SPATA7: variants seen among roughly 807,000 people sequenced by gnomAD.
SPATA7 encodes the protein spermatogenesis associated 7, also known as spermatogenesis-associated protein 7.
SPATA7 carries 43 observed loss-of-function variants against 51.8 expected under a neutral mutation model. The ratio of observed to expected loss-of-function variants is 0.83; its 90% CI spans 0.65 to 1.07. SPATA7 has a LOEUF of 1.07. Ranked by LOEUF, SPATA7 falls within the 50% of genes least tolerant of loss-of-function variation. The probability of loss-of-function intolerance (pLI) is 0.00; values close to 1 mark genes in which losing one functional copy is unlikely to be tolerated. For synonymous variants in SPATA7, 230 were observed against 252.8 expected (o/e 0.91, Z 0.86); for missense variants, 683 against 701.3 (o/e 0.97, Z 0.30).
At chr14:88,438,494 T>A, downstream of SPATA7, 2 of 1,203,372 alleles carry the variant, frequency 1.7e-6, no homozygotes, top group Non-Finnish European at 2.4e-6. Flanking sequence ...AATGTATGTA[T>A]AAGATTTCTC....
chr14:88,455,115 G>A, exon 4 of SPATA7: 3 of 455,912 alleles, frequency 6.6e-6, no homozygotes, highest in South Asian at 3.1e-5. Context: ...GATGAATAAA[G>A]TGGACACAAC....
In SPATA7 at chr14:88,437,931, AATG is replaced by A; in HGVS notation, c.1310_1312del (p.Asn437_Val438delinsIle). On this transcript the variant is annotated inframe_deletion, in exon 12 of 12. Transcript: ENST00000393545. ...AAAGCAAAATGATGTTGATATGTTG[AATG>A]TATTTGATTTTGAAAAGGCTGGGAA... 1 of 1,613,830 alleles carries A rather than the reference AATG, an allele frequency of 6.2e-7. No individual in the cohort carries two copies. The highest frequency in any genetic ancestry group is 8.5e-7 in the Non-Finnish European group (1 of 1,179,910).
At chr14:88,408,736 C>A (rs111561973) in intron 4 of SPATA7, among the ~76,000 whole-genome samples, 1 of 152,028 alleles carries the variant, frequency 6.6e-6, no homozygotes, top group Admixed American at 6.5e-5. Flanking sequence ...ATGATATTGG[C>A]TGTGGGTTTG....
chr14:88,468,107 A>C (rs781291905), intron 4 of SPATA7: 1 of 1,612,366 alleles, frequency 6.2e-7, no homozygotes, highest in Non-Finnish European at 8.5e-7. Context: ...AACGCTTCAC[A>C]TGACTGGCCC....
At chr14:88,404,685 C>T (rs2076158277) in intron 4 of SPATA7, among the ~76,000 whole-genome samples, 1 of 152,066 alleles carries the variant, frequency 6.6e-6, no homozygotes, top group South Asian at 2.1e-4. Flanking sequence ...CCATTGCACT[C>T]CAGCCTGGGC....
At position 88,394,128 on chromosome 14, in the gene SPATA7, C is replaced by T. The variant is rs118023244; in HGVS notation, c.190+640C>T. Among the ~76,000 whole-genome samples, 162 of 152,302 alleles carry T rather than the reference C, an allele frequency of 1.1e-3. 2 individuals are homozygous for T. In the East Asian group the frequency reaches 0.023, roughly 22 times the overall value. On this transcript the variant is annotated intron_variant, in intron 3 of 11. Coordinates refer to ENST00000393545, the MANE Select transcript of SPATA7 (RefSeq NM_018418.5). ...ATGTAGTTATCCATAGACAAACAAT[C>T]ATTTTCAATCTTTTACATATTGTCT...
Position 88,408,545 on chromosome 14 carries a change from A to G in SPATA7, c.239-8166A>G, listed in dbSNP as rs1270694064. On this transcript the variant is annotated intron_variant, in intron 4 of 11. Transcript: ENST00000393545. ...GGGTTTCTGAATATACAATCATGTCATCTGCAAACAGAGACAATTTGACTT... is the reference window on the plus strand; with the variant it reads ...GGGTTTCTGAATATACAATCATGTCGTCTGCAAACAGAGACAATTTGACTT... 5.8e-4 allele frequency among the ~76,000 whole-genome samples: 88 copies of G among 152,076 alleles called. 1 individual carries two copies. Among genetic ancestry groups the G allele is most frequent in the Non-Finnish European group, 4.4e-5 (3 of 68,028 alleles).
chr14:88,455,780 G>A (rs1279584580), downstream of SPATA7, among the ~76,000 whole-genome samples: 1 of 151,904 alleles, frequency 6.6e-6, no homozygotes, highest in Non-Finnish European at 1.5e-5. Flanking sequence ...ACAATGTGCA[G>A]GTTTGTTACA....
chr14:88,402,582 G>A (rs535528557), intron 4 of SPATA7, among the ~76,000 whole-genome samples: 108 of 152,228 alleles, frequency 7.1e-4, no homozygotes, highest in Non-Finnish European at 1.3e-3. Context: ...GGGAAACCTG[G>A]ATAGTCCCAT....
chr14:88,468,222 C>A, intron 4 of SPATA7: 1 of 1,610,582 alleles, frequency 6.2e-7, no homozygotes, highest in East Asian at 2.2e-5. Context: ...CAGCATCATT[C>A]TCTGTTGCCT....
chr14:88,414,320 C>T (rs960942767), intron 4 of SPATA7, among the ~76,000 whole-genome samples: 3 of 151,988 alleles, frequency 2.0e-5, no homozygotes, highest in Non-Finnish European at 4.4e-5. Context: ...TATCTATTTC[C>T]TCTAGATTTC....
chr14:88,421,676 C>T (rs1227181807), intron 5 of SPATA7, among the ~76,000 whole-genome samples: 2 of 151,962 alleles, frequency 1.3e-5, no homozygotes, highest in Admixed American at 6.6e-5. Context: ...CTCGGCCGGG[C>T]GTGGTGGCTC....
chr14:88,411,147 T>G (rs2076330570), intron 4 of SPATA7, among the ~76,000 whole-genome samples: 1 of 152,172 alleles, frequency 6.6e-6, no homozygotes, highest in Admixed American at 6.5e-5. Context: ...CAGTCTGAAC[T>G]TCCTGGCGGC....
At chr14:88,470,185 A>T in exon 5 of SPATA7, 1 of 749,604 alleles carries the variant, frequency 1.3e-6, no homozygotes, top group Middle Eastern at 3.8e-4. Context: ...TGGATTATTC[A>T]GCAGAATAAG....
chr14:88,457,869 T>C (rs1220764221), downstream of SPATA7, among the ~76,000 whole-genome samples: 2 of 152,180 alleles, frequency 1.3e-5, no homozygotes, highest in Admixed American at 6.5e-5. Context: ...GGGTTTGTCA[T>C]AAATAGCTCT....
chr14:88,458,337 G>C (rs975885521), downstream of SPATA7, among the ~76,000 whole-genome samples: 1 of 152,184 alleles, frequency 6.6e-6, no homozygotes, highest in Non-Finnish European at 1.5e-5. Flanking sequence ...GAATTCGGCT[G>C]TGAATCCATC....
downstream of SPATA7, among the ~76,000 whole-genome samples, chr14:88,440,008 C>G (rs139781843): frequency 1.1e-4 from 16 of 152,286 alleles, no homozygotes; most frequent in East Asian, 3.1e-3. Context: ...GGTCCCCAGC[C>G]TGGGTCTCCC....
At position 88,396,210 on chromosome 14, in the gene SPATA7, A is replaced by G. The variant is rs2139883698; in HGVS notation, c.238+7A>G. ...GTGAGTACCAGCATAAAGTGTAAGT[A>G]ATTTTTGGACATTATTACCTTTTTA... is the stretch of plus-strand genomic sequence containing the variant. On this transcript the variant is annotated splice_region_variant and intron_variant, in intron 4 of 11. Coordinates refer to ENST00000393545, the MANE Select transcript of SPATA7 (RefSeq NM_018418.5). The G allele has an allele frequency of 1.2e-6, 2 of 1,605,056 alleles. No individual in the cohort carries two copies. The highest frequency in any genetic ancestry group is 1.7e-6 in the Non-Finnish European group (2 of 1,173,602).
At chr14:88,449,405 G>T (rs1424903109) in intron 3 of SPATA7, among the ~76,000 whole-genome samples, 1 of 152,026 alleles carries the variant, frequency 6.6e-6, no homozygotes, top group Non-Finnish European at 1.5e-5. Flanking sequence ...TTTGCAGTTG[G>T]TTTCTAATTT....
Sources: allele counts gnomAD v4.1 joint callset (sites outside exome capture counted in the v4.1 genomes callset), GRCh38; gene constraint gnomAD v4.1.1; transcripts MANE v1.5; gene names NCBI Gene and HGNC (gene_info 2026-07-23, HGNC 2026-07-21).